SMURF2: variants seen among roughly 807,000 people sequenced by gnomAD.
The protein encoded by SMURF2 is SMAD specific E3 ubiquitin protein ligase 2.
A neutral mutation model predicts 109.6 loss-of-function variants in SMURF2; 48 were observed. The ratio of observed to expected loss-of-function variants is 0.44; its 90% CI spans 0.35 to 0.56. SMURF2 has a LOEUF of 0.56. Among genes scored for constraint, SMURF2 ranks in the 20% least tolerant of loss-of-function variants. The pLI is 0.01. For synonymous variants in SMURF2, 288 were observed against 317.1 expected, an observed-to-expected ratio of 0.91 and a Z score of 0.97; for missense variants, 575 against 909.0, an observed-to-expected ratio of 0.63 and a Z score of 4.72.
chr17:64,607,511 A>C (rs1332152365), intron 1 of SMURF2, among the ~76,000 whole-genome samples: 1 of 151,904 alleles, frequency 6.6e-6, no homozygotes, highest in Admixed American at 6.6e-5. Flanking sequence ...CTGTAGTCCC[A>C]GCTACTCAGT....
chr17:64,655,325 G>A (rs1970692395), intron 1 of SMURF2, among the ~76,000 whole-genome samples: 1 of 127,186 alleles, frequency 7.9e-6, no homozygotes. Flanking sequence ...GCAGTGGCAT[G>A]ATCTCGCCTG....
At position 64,594,922 on chromosome 17, in the gene SMURF2, G is replaced by A. The variant is rs113059594; in HGVS notation, c.201-1349C>T. 2.1e-3 allele frequency among the ~76,000 whole-genome samples: 326 copies of A among 152,174 alleles called. 1 individual carries two copies. Among genetic ancestry groups the A allele is most frequent in the African/African-American group, 7.4e-3 (309 of 41,524 alleles). On this transcript the variant is annotated intron_variant, in intron 3 of 18. Transcript: ENST00000262435. ...GGAGAATCACTTGAACCCGGGAGGCGGAGGTTGTGGTGAGCCTAGATTGCG... is the reference window on the plus strand; with the variant it reads ...GGAGAATCACTTGAACCCGGGAGGCAGAGGTTGTGGTGAGCCTAGATTGCG...
chr17:64,636,620 A>AT (rs1970419911), intron 1 of SMURF2, among the ~76,000 whole-genome samples: 1 of 149,622 alleles, frequency 6.7e-6, no homozygotes, highest in African/African-American at 2.5e-5. Flanking sequence ...AAAAAAAAAA[A>AT]AAAAAAAAAT....
intron 1 of SMURF2, among the ~76,000 whole-genome samples, chr17:64,607,480 G>T (rs1969986155): frequency 6.6e-6 from 1 of 151,894 alleles, no homozygotes; most frequent in African/African-American, 2.4e-5. Flanking sequence ...ACAAAAATTA[G>T]CTGGGCGTGG....
intron 1 of SMURF2, among the ~76,000 whole-genome samples, chr17:64,647,851 T>C (rs1453845822): frequency 4.0e-5 from 6 of 150,208 alleles, no homozygotes; most frequent in Admixed American, 6.7e-5. Context: ...AAACCCAGAG[T>C]TCAAGACCAT....
intron 7 of SMURF2, among the ~76,000 whole-genome samples, chr17:64,582,297 G>A (rs1409330691): frequency 6.6e-6 from 1 of 152,150 alleles, no homozygotes; most frequent in Non-Finnish European, 1.5e-5. Flanking sequence ...AAAAGAATTT[G>A]GTATTTTATG....
Position 64,545,915 on chromosome 17 carries a change from C to T in SMURF2, c.2180G>A (p.Ser727Asn), listed in dbSNP as rs1555683063. ...CAGCTTTTCATATAGCTTTTCATAG[C>T]TTTCATAGGGTGGAATGTCTATTCG... ...FNRIDIPPYE[S>N]YEKLYEKLLT... Residue 727 changes from serine to asparagine, a missense_variant, in exon 19 of 19, where the codon AGC becomes AAC. By Grantham distance (46) the Ser-to-Asn change is conservative. Around this residue, in one of 5 missense-constraint regions of SMURF2, gnomAD observed 361 missense variants for 612.1 expected, o/e 0.59. Transcript: ENST00000262435. 2 of 1,611,506 alleles carry T rather than the reference C, an allele frequency of 1.2e-6. No homozygotes were observed. The highest frequency in any genetic ancestry group is 1.7e-6 in the Non-Finnish European group (2 of 1,177,690).
chr17:64,614,917 T>C (rs1458087916), intron 1 of SMURF2, among the ~76,000 whole-genome samples: 3 of 152,232 alleles, frequency 2.0e-5, no homozygotes, highest in African/African-American at 7.2e-5. Context: ...TTAAACTTTA[T>C]GGAAATCTTA....
intron 1 of SMURF2, among the ~76,000 whole-genome samples, chr17:64,658,182 C>T (rs1407693902): frequency 5.9e-5 from 9 of 151,930 alleles, no homozygotes; most frequent in Admixed American, 5.9e-4. Context: ...TGGCAAAACC[C>T]GTCTCTACTA....
intron 15 of SMURF2, among the ~76,000 whole-genome samples, chr17:64,553,211 A>G (rs1555683755): frequency 6.6e-6 from 1 of 152,030 alleles, no homozygotes; most frequent in African/African-American, 2.4e-5. Context: ...TCTTCAGTAT[A>G]ATCATAAAAA....
At chr17:64,627,220 T>C (rs1970279959) in intron 1 of SMURF2, among the ~76,000 whole-genome samples, 1 of 150,972 alleles carries the variant, frequency 6.6e-6, no homozygotes, top group Admixed American at 6.6e-5. Flanking sequence ...GTTCAAGTGA[T>C]TCTCCTGCCT....
chr17:64,650,401 C>T (rs901214505), intron 1 of SMURF2, among the ~76,000 whole-genome samples: 1 of 151,628 alleles, frequency 6.6e-6, no homozygotes, highest in Admixed American at 6.6e-5. Flanking sequence ...TTTAAGCATG[C>T]ATTTATAACT....
intron 13 of SMURF2, 148 bp downstream of exon 13, chr17:64,557,460 G>C: frequency 5.0e-6 from 3 of 603,488 alleles, no homozygotes; most frequent in Non-Finnish European, 8.7e-6. Flanking sequence ...ATAATCATCT[G>C]CTTGGGAAAA....
At chr17:64,546,138 G>T in intron 18 of SMURF2, 125 bp downstream of exon 18, 1 of 1,013,902 alleles carries the variant, frequency 9.9e-7, no homozygotes, top group Non-Finnish European at 1.5e-6. Flanking sequence ...AATCACTTAA[G>T]TTGCTTATCA....
intron 1 of SMURF2, among the ~76,000 whole-genome samples, chr17:64,617,244 G>A (rs1970139387): frequency 6.6e-6 from 1 of 151,954 alleles, no homozygotes; most frequent in East Asian, 1.9e-4. Context: ...TATTAGCCCT[G>A]CTTTTAAGTA....
At chr17:64,578,456 T>C (rs1555686253) in intron 9 of SMURF2, 36 bp downstream of exon 9, 3 of 1,358,728 alleles carry the variant, frequency 2.2e-6, no homozygotes, top group African/African-American at 1.5e-5. Context: ...AAATGGCTCT[T>C]TGATGGTCTA....
At chr17:64,585,970 T>G in intron 6 of SMURF2, 116 bp downstream of exon 6, 1 of 539,082 alleles carries the variant, frequency 1.9e-6, no homozygotes. Context: ...AGAAGGAAAA[T>G]CTACATTCAA....
intron 1 of SMURF2, among the ~76,000 whole-genome samples, chr17:64,644,986 T>A (rs1322445251): frequency 6.7e-6 from 1 of 148,502 alleles, no homozygotes; most frequent in Non-Finnish European, 1.5e-5. Context: ...TCAGCCTGGA[T>A]AACAAGAGCA....
chr17:64,590,860 C>A (rs1186444729), intron 5 of SMURF2, among the ~76,000 whole-genome samples: 3 of 151,442 alleles, frequency 2.0e-5, no homozygotes, highest in African/African-American at 7.3e-5. Context: ...AGAATTATAT[C>A]CTGAAGGATC....
Sources: gnomAD v4.1 joint callset for allele counts (sites outside exome capture counted in the v4.1 genomes callset) on GRCh38, gnomAD v4.1.1 for gene constraint, gnomAD v4.1.1 regional missense constraint, MANE v1.5 for transcripts, NCBI Gene and HGNC (gene_info 2026-07-23, HGNC 2026-07-21) for gene names.